Variants in PSMB1 observed in about 807,000 individuals in gnomAD.
PSMB1 encodes proteasome 20S subunit beta 1, also known as proteasome subunit beta type-1.
In PSMB1, 7 loss-of-function variants were observed where a neutral mutation model predicts 25.4. The ratio of observed to expected loss-of-function variants is 0.28; its 90% confidence interval spans 0.16 to 0.52. The LOEUF is 0.52. Ranked by LOEUF, PSMB1 falls within the 20% of genes least tolerant of loss-of-function variation. The pLI is 0.97. For missense variants in PSMB1, 284 were observed against 302.2 expected, an observed-to-expected ratio of 0.94 and a Z score of 0.45; for synonymous variants, 119 against 115.0, an observed-to-expected ratio of 1.03 and a Z score of -0.22.
At chr6:170,552,160 T>C (rs1488282812) in intron 1 of PSMB1, among the ~76,000 whole-genome samples, 1 of 152,220 alleles carries the variant, frequency 6.6e-6, no homozygotes, top group African/African-American at 2.4e-5. Flanking sequence ...GCGATGATCC[T>C]CCTGCCTTGG....
intron 4 of PSMB1, among the ~76,000 whole-genome samples, chr6:170,537,784 G>GTA (rs1458273996): frequency 4.6e-5 from 7 of 152,208 alleles, no homozygotes; most frequent in Admixed American, 2.0e-4. Flanking sequence ...ATGGTAGTAG[G>GTA]TAAGGACCCG....
At chr6:170,538,318 A>C (rs1778718744) in intron 4 of PSMB1, among the ~76,000 whole-genome samples, 1 of 152,238 alleles carries the variant, frequency 6.6e-6, no homozygotes. Context: ...ACCAGAACTC[A>C]GTACCCTGGG....
chr6:170,551,022 G>T (rs1778892392), intron 1 of PSMB1, among the ~76,000 whole-genome samples: 1 of 151,736 alleles, frequency 6.6e-6, no homozygotes, highest in East Asian at 1.9e-4. Context: ...GCAGGCACCT[G>T]TAATCCCAGC....
intron 4 of PSMB1, among the ~76,000 whole-genome samples, chr6:170,540,155 C>T (rs1367226340): frequency 6.6e-6 from 1 of 152,152 alleles, no homozygotes; most frequent in Non-Finnish European, 1.5e-5. Flanking sequence ...CAGCGGTTGA[C>T]ACCAAGGGAA....
In PSMB1 at chr6:170,545,432, G is replaced by A. The variant is rs138694440; in HGVS notation, c.303+671C>T. On this transcript the variant is annotated intron_variant, in intron 3 of 5. Transcript: ENST00000262193. Reference sequence around the variant, plus strand: ...AGCATTAACAATTGATAAATACTGAGTGAAATCCTTTCTACACATTCAAAA... The same window carrying A: ...AGCATTAACAATTGATAAATACTGAATGAAATCCTTTCTACACATTCAAAA... Among the ~76,000 whole-genome samples, 581 of 152,258 alleles carry A rather than the reference G, an allele frequency of 3.8e-3. 5 individuals carry two copies. The highest frequency in any genetic ancestry group is 0.013 in the African/African-American group (522 of 41,538).
intron 2 of PSMB1, among the ~76,000 whole-genome samples, chr6:170,547,274 C>A (rs2114980257): frequency 6.6e-6 from 1 of 152,292 alleles, no homozygotes; most frequent in East Asian, 1.9e-4. Flanking sequence ...AAGGGATGCT[C>A]TAGACTCACC....
chr6:170,551,708 A>G lies in PSMB1; in HGVS notation c.113+1422T>C, dbSNP rs79565998. On this transcript the variant is annotated intron_variant, in intron 1 of 5. Coordinates refer to ENST00000262193, the MANE Select transcript of PSMB1 (RefSeq NM_002793.4). Reference sequence around the variant, plus strand: ...TAAGGTGTATAATGGAAAAGCATCCATAAACTCAGTGGTGAAATAGCTATG... The same window carrying G: ...TAAGGTGTATAATGGAAAAGCATCCGTAAACTCAGTGGTGAAATAGCTATG... Among the ~76,000 whole-genome samples the G allele has an allele frequency of 8.6e-3, 1,313 of 152,346 alleles. 18 individuals are homozygous for G. The highest frequency in any genetic ancestry group is 0.03 in the African/African-American group (1,248 of 41,572).
intron 3 of PSMB1, 21 bp downstream of exon 3, chr6:170,546,082 G>C: frequency 6.3e-7 from 1 of 1,592,668 alleles, no homozygotes; most frequent in Non-Finnish European, 8.6e-7. Context: ...AAATAGTGTA[G>C]AAATGTACAA....
chr6:170,540,508 G>T (rs994804165), intron 4 of PSMB1, among the ~76,000 whole-genome samples: 5 of 149,392 alleles, frequency 3.3e-5, no homozygotes, highest in Admixed American at 2.0e-4. Flanking sequence ...CCCAGTTAAC[G>T]GCTGTCAGTT....
At position 170,537,196 on chromosome 6, in the gene PSMB1, TTGGACATAGTATCATTACC is replaced by T; in HGVS notation, c.540+19_540+37del. ...CACTTCAACTGAACACCATGACAAGTTGGACATAGTATCATTACCTGGACACAGTATCATTACCTGGTTG... is the reference window on the plus strand; with the variant it reads ...CACTTCAACTGAACACCATGACAAGTTGGACACAGTATCATTACCTGGTTG... On this transcript the variant is annotated intron_variant, in intron 5 of 5. Transcript: ENST00000262193. 2 of 1,501,018 alleles carry T rather than the reference TTGGACATAGTATCATTACC, an allele frequency of 1.3e-6. No homozygotes were observed. The highest frequency in any genetic ancestry group is 1.9e-6 in the Non-Finnish European group (2 of 1,078,332). 93.0% of individuals were successfully genotyped at this position (1,501,018 alleles called of 1,614,324 possible).
At chr6:170,541,233 T>A (rs529940174) in intron 4 of PSMB1, among the ~76,000 whole-genome samples, 1 of 152,018 alleles carries the variant, frequency 6.6e-6, no homozygotes, top group Non-Finnish European at 1.5e-5. Flanking sequence ...GACAACCAGA[T>A]GAATTGTACT....
At chr6:170,535,456 G>A (rs1447965505) in intron 5 of PSMB1, 51 bp from the exon 6 acceptor site, 6 of 1,502,754 alleles carry the variant, frequency 4.0e-6, no homozygotes, top group Non-Finnish European at 5.5e-6. Flanking sequence ...TGAGCACAAA[G>A]GAAAGGTTCA....
At chr6:170,543,552 GAAT>G in intron 4 of PSMB1, 46 bp downstream of exon 4, 1 of 1,516,062 alleles carries the variant, frequency 6.6e-7, no homozygotes, top group Non-Finnish European at 9.0e-7. Flanking sequence ...CACATCTAGG[GAAT>G]AATAACTCCT....
chr6:170,540,653 G>A (rs1778748395), intron 4 of PSMB1, among the ~76,000 whole-genome samples: 1 of 144,680 alleles, frequency 6.9e-6, no homozygotes, highest in African/African-American at 2.6e-5. Context: ...GAAGACAGAG[G>A]CCAAAAATGA....
intron 1 of PSMB1, among the ~76,000 whole-genome samples, chr6:170,550,914 G>A (rs1002151299): frequency 1.4e-5 from 2 of 147,940 alleles, no homozygotes; most frequent in African/African-American, 5.0e-5. Context: ...AGGGGGGGGG[G>A]GGGGGTCAAT....
chr6:170,548,666 T>C (rs1459449167), intron 2 of PSMB1, among the ~76,000 whole-genome samples: 3 of 152,200 alleles, frequency 2.0e-5, no homozygotes, highest in African/African-American at 7.2e-5. Context: ...GGCTCAGCTT[T>C]CATGAATGGA....
chr6:170,549,879 A>G (rs574854342), intron 1 of PSMB1: 31 of 152,344 alleles, frequency 2.0e-4, no homozygotes, highest in African/African-American at 6.3e-4. Context: ...TCCTCTAGTA[A>G]GTGTTAGCTA....
At chr6:170,547,583 T>C (rs1778835048) in intron 2 of PSMB1, among the ~76,000 whole-genome samples, 1 of 152,212 alleles carries the variant, frequency 6.6e-6, no homozygotes, top group South Asian at 2.1e-4. Flanking sequence ...TCAACCTCAC[T>C]GCACTAAGGT....
intron 4 of PSMB1, among the ~76,000 whole-genome samples, chr6:170,541,112 A>G (rs1583113808): frequency 6.6e-6 from 1 of 152,328 alleles, no homozygotes; most frequent in East Asian, 1.9e-4. Flanking sequence ...AGCCTCTAAA[A>G]TAAGGAAATA....
Sources: allele counts gnomAD v4.1 joint callset (sites outside exome capture counted in the v4.1 genomes callset), GRCh38; gene constraint gnomAD v4.1.1; transcripts MANE v1.5; gene names NCBI Gene and HGNC (gene_info 2026-07-23, HGNC 2026-07-21).